CSMD1: variants seen among roughly 807,000 people sequenced by gnomAD.
The protein encoded by CSMD1 is CUB and Sushi multiple domains 1.
Under a neutral mutation model 417.5 loss-of-function variants are expected in CSMD1, and 213 were observed. The observed-to-expected ratio is 0.51, with a 90% CI of 0.46 to 0.57. The LOEUF (loss-of-function observed/expected upper bound fraction) is 0.57. CSMD1 is among the 20% of genes least tolerant of loss of function. CSMD1 has a pLI of 0.00. For synonymous variants in CSMD1, 2,862 were observed against 1,736.8 expected (o/e 1.65, Z -16.11); for missense variants, 6,923 against 4,529.7 (o/e 1.53, Z -15.17).
At chr8:4,806,680 C>A (rs1214462008) in intron 1 of CSMD1, among the ~76,000 whole-genome samples, 1 of 152,166 alleles carries the variant, frequency 6.6e-6, no homozygotes, top group Non-Finnish European at 1.5e-5. Flanking sequence ...GAACCATGGT[C>A]GCAGTGCCTG....
chr8:3,808,548 C>G (rs1731673805), intron 5 of CSMD1, among the ~76,000 whole-genome samples: 1 of 152,174 alleles, frequency 6.6e-6, no homozygotes, highest in Non-Finnish European at 1.5e-5. Context: ...CAAAGTCTGT[C>G]TCTCTTTATG....
intron 52 of CSMD1, among the ~76,000 whole-genome samples, chr8:3,013,306 T>C (rs912917215): frequency 5.3e-5 from 8 of 152,168 alleles, no homozygotes; most frequent in Non-Finnish European, 1.0e-4. Flanking sequence ...GTCAGCATGG[T>C]CTTCATGCTG....
At chr8:4,761,708 T>A (rs146171018) in intron 1 of CSMD1, among the ~76,000 whole-genome samples, 3,127 of 152,252 alleles carry the variant, frequency 0.021, 56 homozygotes, top group Middle Eastern at 0.051. Flanking sequence ...AATGATGCAC[T>A]GTTTATTCTG....
intron 20 of CSMD1, among the ~76,000 whole-genome samples, 187 bp downstream of exon 20, chr8:3,366,845 A>G (rs1809604420): frequency 6.6e-6 from 1 of 152,160 alleles, no homozygotes; most frequent in Non-Finnish European, 1.5e-5. Context: ...ATGCCACATA[A>G]CTGTACTTGC....
intron 3 of CSMD1, among the ~76,000 whole-genome samples, chr8:4,222,127 G>T (rs948908758): frequency 2.3e-4 from 35 of 151,584 alleles, no homozygotes; most frequent in Non-Finnish European, 4.1e-4. Flanking sequence ...ACAGAAGCAA[G>T]TAGAAGAGAA....
At chr8:3,821,767 G>C (rs781089851) in intron 5 of CSMD1, among the ~76,000 whole-genome samples, 5 of 152,154 alleles carry the variant, frequency 3.3e-5, no homozygotes, top group Non-Finnish European at 7.4e-5. Flanking sequence ...GGGTGACAGA[G>C]TGAGACTCTG....
At chr8:2,944,892 G>A (rs1054432412) in intron 68 of CSMD1, among the ~76,000 whole-genome samples, 3 of 151,798 alleles carry the variant, frequency 2.0e-5, no homozygotes, top group African/African-American at 7.3e-5. Flanking sequence ...ATCCATAATA[G>A]ATAACAAAAT....
intron 1 of CSMD1, among the ~76,000 whole-genome samples, chr8:4,920,830 G>C (rs1299471004): frequency 7.6e-6 from 1 of 132,440 alleles, no homozygotes; most frequent in Non-Finnish European, 1.6e-5. Flanking sequence ...TCAAAGAAAA[G>C]AAAAAGAGAA....
chr8:4,860,526 G>T (rs141789975), intron 1 of CSMD1, among the ~76,000 whole-genome samples: 1 of 151,916 alleles, frequency 6.6e-6, no homozygotes, highest in African/African-American at 2.4e-5. Flanking sequence ...CTGAGGCCTC[G>T]CTGGAACTTG....
At position 4,486,200 on chromosome 8, in the gene CSMD1, CAT is replaced by C. The variant is rs1563224016; in HGVS notation, c.303-66137_303-66136del. ...ACATACATATATATATATATATATA[CAT>C]ACATATATATATATATATATATACA... On this transcript the variant is annotated intron_variant, in intron 2 of 69. Transcript: ENST00000635120. Among the ~76,000 whole-genome samples, 11 of 9,804 alleles carry C rather than the reference CAT, an allele frequency of 1.1e-3. No homozygotes were observed. The East Asian group carries it at 0.012, about 11-fold the overall frequency. The allele number at this position is 9,804 out of a possible 152,430, so 6.4% of individuals were successfully genotyped here.
At chr8:4,178,930 A>G (rs1020540063) in intron 3 of CSMD1, among the ~76,000 whole-genome samples, 14 of 152,308 alleles carry the variant, frequency 9.2e-5, no homozygotes, top group Non-Finnish European at 1.5e-4. Flanking sequence ...ATAAGAGAAG[A>G]TACAAACAAA....
intron 2 of CSMD1, among the ~76,000 whole-genome samples, chr8:4,448,975 T>G (rs73512792): frequency 9.2e-5 from 14 of 152,166 alleles, no homozygotes; most frequent in Admixed American, 6.5e-5. Context: ...GATCCTAAGG[T>G]ACAAATGGAT....
At chr8:4,449,163 A>G (rs1310640275) in intron 2 of CSMD1, among the ~76,000 whole-genome samples, 1 of 152,228 alleles carries the variant, frequency 6.6e-6, no homozygotes, top group East Asian at 1.9e-4. Flanking sequence ...TTAGCAATAT[A>G]GATCACTCAA....
chr8:3,504,008 T>C (rs1028329713), intron 10 of CSMD1, among the ~76,000 whole-genome samples: 1 of 152,098 alleles, frequency 6.6e-6, no homozygotes, highest in Non-Finnish European at 1.5e-5. Flanking sequence ...ATAGGTGCAA[T>C]CAGTTCCAGT....
intron 35 of CSMD1, 94 bp downstream of exon 35, chr8:3,188,793 G>T (rs1450844779): frequency 2.7e-6 from 3 of 1,093,902 alleles, no homozygotes; most frequent in South Asian, 3.1e-5. Flanking sequence ...GAGAGAGAGA[G>T]AGATGGAAAG....
intron 3 of CSMD1, among the ~76,000 whole-genome samples, chr8:4,157,718 C>T (rs983430261): frequency 2.0e-5 from 3 of 152,220 alleles, no homozygotes; most frequent in African/African-American, 7.2e-5. Flanking sequence ...CACAGTTGTC[C>T]CTCTGGCCGT....
At chr8:3,995,351 T>A (rs1563297314) in intron 5 of CSMD1, among the ~76,000 whole-genome samples, 1 of 151,738 alleles carries the variant, frequency 6.6e-6, no homozygotes, top group East Asian at 1.9e-4. Flanking sequence ...TTGACTATTA[T>A]GATAAACATT....
At chr8:4,358,330 G>C (rs183693188) in intron 3 of CSMD1, among the ~76,000 whole-genome samples, 1 of 152,166 alleles carries the variant, frequency 6.6e-6, no homozygotes, top group African/African-American at 2.4e-5. Flanking sequence ...GCCTAGTTTT[G>C]TAAGGCCCAT....
In CSMD1 at chr8:3,856,297, C is replaced by T. The variant is rs1471725046; in HGVS notation, c.819-102255G>A. On this transcript the variant is annotated intron_variant, in intron 5 of 69. Coordinates refer to ENST00000635120, the MANE Select transcript of CSMD1 (RefSeq NM_033225.6). Reference sequence around the variant, plus strand: ...ACACACCTGCTTCCGCTTCATCTTCCGCCATGATTGTAAGTTTCTTGAGGC... The same window carrying T: ...ACACACCTGCTTCCGCTTCATCTTCTGCCATGATTGTAAGTTTCTTGAGGC... Among the ~76,000 whole-genome samples the T allele has an allele frequency of 5.3e-5, 8 of 152,240 alleles. No homozygotes were observed. The East Asian group carries it at 9.7e-4, about 18-fold the overall frequency.
Sources: allele counts gnomAD v4.1 joint callset (sites outside exome capture counted in the v4.1 genomes callset), GRCh38; gene constraint gnomAD v4.1.1; transcripts MANE v1.5; gene names NCBI Gene and HGNC (gene_info 2026-07-23, HGNC 2026-07-21).